The following PXDNL variants were observed in gnomAD, a reference collection of about 807,000 sequenced individuals.
The protein encoded by PXDNL is probable oxidoreductase PXDNL.
In PXDNL, 145 loss-of-function variants were observed where a neutral mutation model predicts 150.8. The observed-to-expected ratio is 0.96, with a 90% CI of 0.84 to 1.10. PXDNL has a LOEUF of 1.10. PXDNL is among the 50% of genes least tolerant of loss of function. The pLI is 0.00. For synonymous variants in PXDNL, 757 were observed against 725.7 expected (o/e 1.04, Z -0.69); for missense variants, 2,087 against 1,873.9 (o/e 1.11, Z -2.10).
intron 1 of PXDNL, among the ~76,000 whole-genome samples, chr8:51,793,868 G>A (rs1424550622): frequency 6.6e-6 from 1 of 151,850 alleles, no homozygotes; most frequent in African/African-American, 2.4e-5. Context: ...ACTACCCTGG[G>A]CAACAGAGCA....
chr8:51,372,974 C>A (rs544296820), intron 18 of PXDNL, among the ~76,000 whole-genome samples: 18 of 152,198 alleles, frequency 1.2e-4, no homozygotes, highest in African/African-American at 3.6e-4. Flanking sequence ...CTTTTTTGTG[C>A]TGAGTATAGA....
chr8:51,528,796 T>C (rs1811820906), intron 4 of PXDNL, among the ~76,000 whole-genome samples: 1 of 152,174 alleles, frequency 6.6e-6, no homozygotes, highest in Admixed American at 6.5e-5. Context: ...CAGCAACCTC[T>C]AGAAATTGGG....
intron 15 of PXDNL, among the ~76,000 whole-genome samples, chr8:51,412,394 C>G (rs1808677117): frequency 6.6e-6 from 1 of 152,130 alleles, no homozygotes. Flanking sequence ...GCCTGAGGTA[C>G]AAAGATGTTA....
chr8:51,709,527 A>C (rs1283358631), intron 1 of PXDNL, among the ~76,000 whole-genome samples: 1 of 152,178 alleles, frequency 6.6e-6, no homozygotes, highest in Admixed American at 6.5e-5. Flanking sequence ...GTGCTGGATT[A>C]CAGGCGTAAG....
At chr8:51,352,399 G>C (rs1289710237) in intron 19 of PXDNL, among the ~76,000 whole-genome samples, 1 of 152,076 alleles carries the variant, frequency 6.6e-6, no homozygotes, top group South Asian at 2.1e-4. Flanking sequence ...AATATGGTTT[G>C]GCTGTGTGTC....
At chr8:51,637,471 G>A (rs951098819) in intron 2 of PXDNL, among the ~76,000 whole-genome samples, 6 of 152,112 alleles carry the variant, frequency 3.9e-5, no homozygotes, top group African/African-American at 9.7e-5. Context: ...TAGACGAATG[G>A]CTAACTAGAA....
At chr8:51,734,209 T>C (rs1387557744) in intron 1 of PXDNL, among the ~76,000 whole-genome samples, 1 of 152,202 alleles carries the variant, frequency 6.6e-6, no homozygotes, top group African/African-American at 2.4e-5. Context: ...CAAAATTTTT[T>C]ATTTTCAAAA....
intron 12 of PXDNL, among the ~76,000 whole-genome samples, chr8:51,441,158 C>T (rs1809538111): frequency 1.3e-5 from 2 of 152,138 alleles, no homozygotes; most frequent in East Asian, 1.9e-4. Context: ...TAAGGGGCTT[C>T]CCCCTCTGCT....
At position 51,605,559 on chromosome 8, in the gene PXDNL, T is replaced by C. The variant is rs1391140695; in HGVS notation, c.237-12861A>G. Among the ~76,000 whole-genome samples, 4 of 152,254 alleles carry C rather than the reference T, an allele frequency of 2.6e-5. No homozygotes were observed. In the East Asian group the frequency reaches 5.8e-4, roughly 22 times the overall value. On this transcript the variant is annotated intron_variant, in intron 2 of 22. Transcript: ENST00000356297. ...GTTTAATATCAATTTGCTAAATACA[T>C]TTTAAAATCTAAGATCGAAGATGAG...
chr8:51,671,102 C>T (rs1815491158), intron 1 of PXDNL, among the ~76,000 whole-genome samples: 1 of 152,080 alleles, frequency 6.6e-6, no homozygotes, highest in Non-Finnish European at 1.5e-5. Context: ...TGTTGTGTGA[C>T]TTGACTTGAA....
At chr8:51,620,672 T>C (rs1814232586) in intron 2 of PXDNL, among the ~76,000 whole-genome samples, 2 of 151,488 alleles carry the variant, frequency 1.3e-5, no homozygotes, top group African/African-American at 4.9e-5. Flanking sequence ...ACCTCTCAAG[T>C]AGCTGGGACT....
chr8:51,350,227 G>A (rs1053253477), intron 19 of PXDNL, among the ~76,000 whole-genome samples: 14 of 152,106 alleles, frequency 9.2e-5, no homozygotes, highest in Non-Finnish European at 1.6e-4. Flanking sequence ...ATTTTGTACA[G>A]AGGCTTGAGG....
rs773943804 is a variant in PXDNL at position 51,809,266 on chromosome 8, G to A, written c.79C>T (p.Arg27Trp). The A allele has an allele frequency of 5.6e-6, 9 of 1,603,444 alleles. No individual in the cohort carries two copies. Among genetic ancestry groups the A allele is most frequent in the South Asian group, 4.5e-5 (4 of 89,302 alleles). The change falls in exon 1 of 23, where the codon CGG becomes TGG. Residue 27 changes from arginine to tryptophan, a missense_variant. Arg to Trp is a moderately radical substitution (Grantham distance 101). Coordinates refer to ENST00000356297, the MANE Select transcript of PXDNL (RefSeq NM_144651.5). ...WCLPGLPCPSRCLCFKSTVRC... is the reference protein window; with the variant it reads ...WCLPGLPCPSWCLCFKSTVRC... ...ACGGTGCTCTTAAAGCAAAGGCACC[G>A]GCTGGGGCAGGGCAACCCTGGCAGG...
At chr8:51,551,500 TAGAGAACTC>T (rs1563461028) in intron 4 of PXDNL, among the ~76,000 whole-genome samples, 1 of 152,050 alleles carries the variant, frequency 6.6e-6, no homozygotes, top group African/African-American at 2.4e-5. Context: ...TGGAATGAAA[TAGAGAACTC>T]AGAAATAAAG....
At chr8:51,482,995 T>C (rs909300162) in intron 6 of PXDNL, among the ~76,000 whole-genome samples, 3 of 152,174 alleles carry the variant, frequency 2.0e-5, no homozygotes, top group African/African-American at 7.2e-5. Flanking sequence ...AACTGGAACT[T>C]ATACTTGTGT....
rs1174288075 is a variant in PXDNL at position 51,446,984 on chromosome 8, T to C, written c.1525+20A>G. 18 of 1,612,216 alleles carry C rather than the reference T, an allele frequency of 1.1e-5. No individual in the cohort carries two copies. Among genetic ancestry groups the C allele is most frequent in the Non-Finnish European group, 1.3e-5 (15 of 1,178,590 alleles). ...GAAGGCACACTTCAGAATGTGAATA[T>C]GAATCACAGTATATATTACCTTTGG... On this transcript the variant is annotated intron_variant, in intron 12 of 22. Transcript: ENST00000356297.
intron 17 of PXDNL, among the ~76,000 whole-genome samples, chr8:51,378,347 G>A (rs1039800137): frequency 2.0e-5 from 3 of 152,172 alleles, no homozygotes; most frequent in Non-Finnish European, 4.4e-5. Context: ...CTAGCTCAAG[G>A]TTTGTAAATG....
chr8:51,397,619 A>C (rs992027612), intron 17 of PXDNL, among the ~76,000 whole-genome samples: 10 of 152,198 alleles, frequency 6.6e-5, no homozygotes, highest in African/African-American at 2.4e-4. Flanking sequence ...TAATAAGTGC[A>C]AAGTCCTGCA....
In PXDNL at chr8:51,744,121, A is replaced by G. The variant is rs1336237275; in HGVS notation, c.164+65060T>C. 3.7e-4 allele frequency among the ~76,000 whole-genome samples: 51 copies of G among 136,614 alleles called. 1 individual carries two copies. The highest frequency in any genetic ancestry group is 1.3e-3 in the African/African-American group (49 of 37,330). 89.6% of individuals were successfully genotyped at this position (136,614 alleles called of 152,430 possible). A position where few individuals can be genotyped will look rare whatever the true frequency, so the allele number is the denominator to read the frequency against. ...AAGAAAGAAAGAAAGAAAGAAAGAA[A>G]GGAAGAAAGAGAAAGGAAGGAAGAA... On this transcript the variant is annotated intron_variant, in intron 1 of 22. Coordinates refer to ENST00000356297, the MANE Select transcript of PXDNL (RefSeq NM_144651.5).
Sources: gnomAD v4.1 joint callset for allele counts (sites outside exome capture counted in the v4.1 genomes callset) on GRCh38, gnomAD v4.1.1 for gene constraint, MANE v1.5 for transcripts, NCBI Gene and HGNC (gene_info 2026-07-23, HGNC 2026-07-21) for gene names.